Variants in MYO3A observed in about 807,000 individuals in gnomAD.
MYO3A encodes the protein myosin IIIA, also known as myosin-IIIa.
A neutral mutation model predicts 192.7 loss-of-function variants in MYO3A; 180 were observed. The observed-to-expected ratio is 0.93, with a 90% CI of 0.83 to 1.06. The LOEUF (loss-of-function observed/expected upper bound fraction) is 1.06, where lower values mean the gene tolerates loss of function less well. Ranked by LOEUF, MYO3A falls within the 50% of genes least tolerant of loss-of-function variation. The pLI, the probability that MYO3A is intolerant of heterozygous loss-of-function variation, is 0.00. For synonymous variants in MYO3A, 628 were observed against 645.3 expected (o/e 0.97, Z 0.41); for missense variants, 1,896 against 1,905.0 (o/e 1.00, Z 0.09).
chr10:25,992,023 T>G (rs1840065602), intron 4 of MYO3A, among the ~76,000 whole-genome samples: 1 of 152,158 alleles, frequency 6.6e-6, no homozygotes, highest in Non-Finnish European at 1.5e-5. Context: ...ATATGAACTT[T>G]AAAATAGTTT....
In MYO3A at chr10:26,208,778, C is replaced by G. The variant is rs117834528; in HGVS notation, c.4731-3065C>G. ...CTTTTAATTCCCTATTCAGAACAGA[C>G]CAGAATAGAGGCATATTCCATCTGC... On this transcript the variant is annotated intron_variant, in intron 34 of 34. Transcript: ENST00000642920. Among the ~76,000 whole-genome samples, 1,189 of 152,216 alleles carry G rather than the reference C, an allele frequency of 7.8e-3. 10 individuals are homozygous for G. The highest frequency in any genetic ancestry group is 0.012 in the Non-Finnish European group (820 of 68,012).
intron 6 of MYO3A, among the ~76,000 whole-genome samples, chr10:26,008,518 A>AACACAT (rs1841392081): frequency 7.1e-6 from 1 of 140,490 alleles, no homozygotes. Flanking sequence ...ATCTACAATG[A>AACACAT]ACAAATTTAC....
At chr10:26,124,052 G>A (rs139390196) in intron 18 of MYO3A, among the ~76,000 whole-genome samples, 1 of 152,032 alleles carries the variant, frequency 6.6e-6, no homozygotes, top group Non-Finnish European at 1.5e-5. Context: ...AGCCAGGCAG[G>A]TTGTCATGCG....
chr10:26,091,633 G>A (rs929941722), intron 15 of MYO3A, among the ~76,000 whole-genome samples: 1 of 152,188 alleles, frequency 6.6e-6, no homozygotes, highest in Non-Finnish European at 1.5e-5. Context: ...ATGTATTTAT[G>A]GAGCAATTAC....
At chr10:26,064,458 A>G (rs1402265567) in intron 10 of MYO3A, among the ~76,000 whole-genome samples, 3 of 152,218 alleles carry the variant, frequency 2.0e-5, no homozygotes, top group Non-Finnish European at 4.4e-5. Context: ...CACAAATCAT[A>G]TGGGCCTTGT....
rs538101060 is a variant in MYO3A, at chr10:25,943,031, A to G, written c.-18+7201A>G. On this transcript the variant is annotated intron_variant, in intron 2 of 34. Coordinates refer to ENST00000642920, the MANE Select transcript of MYO3A (RefSeq NM_017433.5). The stretch of plus-strand genomic sequence containing the variant: ...AGAAATCATTGCCAAATCCATTTTC[A>G]TGAAGCTTTTCCCTTATGTTTTCTT... Among the ~76,000 whole-genome samples, 28 of 151,896 alleles carry G rather than the reference A, an allele frequency of 1.8e-4. No homozygotes were observed. In the South Asian group the frequency reaches 5.4e-3, roughly 29 times the overall value.
intron 17 of MYO3A, among the ~76,000 whole-genome samples, chr10:26,103,376 G>T (rs373181497): frequency 6.6e-6 from 1 of 152,108 alleles, no homozygotes; most frequent in East Asian, 1.9e-4. Context: ...CTCACACTCC[G>T]TGGGCTGCAC....
At chr10:26,156,883 A>G (rs1167448763) in intron 25 of MYO3A, among the ~76,000 whole-genome samples, 14 of 152,348 alleles carry the variant, frequency 9.2e-5, no homozygotes, top group Non-Finnish European at 1.6e-4. Context: ...TCTGTTGTAA[A>G]GTATTCCCTT....
chr10:25,938,823 A>C (rs1361228484), intron 2 of MYO3A, among the ~76,000 whole-genome samples: 4 of 152,184 alleles, frequency 2.6e-5, no homozygotes, highest in African/African-American at 9.7e-5. Context: ...TTGGAAAGTT[A>C]ATGATTAAAT....
chr10:26,091,483 A>C (rs1281301803), intron 15 of MYO3A, among the ~76,000 whole-genome samples: 1 of 152,206 alleles, frequency 6.6e-6, no homozygotes, highest in African/African-American at 2.4e-5. Flanking sequence ...AGCTATTTCC[A>C]TTGCAGTTTC....
At chr10:26,054,897 G>T (rs1844223883) in intron 10 of MYO3A, among the ~76,000 whole-genome samples, 1 of 152,230 alleles carries the variant, frequency 6.6e-6, no homozygotes, top group South Asian at 2.1e-4. Context: ...AACTGTGAGA[G>T]AATAAATACT....
rs1159985875 is a variant in MYO3A at position 25,952,205 on chromosome 10, A to T, written c.95A>T (p.Tyr32Phe). 1.2e-6 allele frequency: 2 copies of T among 1,612,740 alleles called. No homozygotes were observed. Among genetic ancestry groups the T allele is most frequent in the Non-Finnish European group, 8.5e-7 (1 of 1,179,204 alleles). ...ACTGAGACAATTGGCAAAGGAACTT[A>T]TGGGAAAGTTTTTAAAGTATTGAAT... Reference protein sequence around the residue: ...EITETIGKGTYGKVFKVLNKK... With the variant: ...EITETIGKGTFGKVFKVLNKK... The change falls in exon 3 of 35, where the codon TAT (tyrosine) becomes TTT (phenylalanine). Residue 32 changes from tyrosine (Y) to phenylalanine (F), a missense_variant. Physicochemically the swap from Tyr to Phe is conservative, Grantham distance 22. Transcript: ENST00000642920.
At chr10:26,007,569 G>T (rs1841313131) in intron 6 of MYO3A, among the ~76,000 whole-genome samples, 1 of 152,118 alleles carries the variant, frequency 6.6e-6, no homozygotes, top group African/African-American at 2.4e-5. Flanking sequence ...AAAATCACAA[G>T]CATTCTTATA....
intron 10 of MYO3A, among the ~76,000 whole-genome samples, chr10:26,046,820 C>T (rs1316888793): frequency 6.6e-6 from 1 of 152,122 alleles, no homozygotes; most frequent in Non-Finnish European, 1.5e-5. Context: ...CTGAAGTTCA[C>T]GTGGAATCAT....
At chr10:26,052,158 G>A (rs1472677595) in intron 10 of MYO3A, among the ~76,000 whole-genome samples, 1 of 152,096 alleles carries the variant, frequency 6.6e-6, no homozygotes, top group African/African-American at 2.4e-5. Flanking sequence ...AATAAATTAA[G>A]GGTGTGGGTA....
chr10:26,175,702 T>C (rs1477560841), intron 30 of MYO3A, among the ~76,000 whole-genome samples: 4 of 152,206 alleles, frequency 2.6e-5, no homozygotes, highest in Admixed American at 6.5e-5. Flanking sequence ...AATAGTGAGC[T>C]TAACGAACAT....
At chr10:26,079,261 T>A in intron 14 of MYO3A, among the ~76,000 whole-genome samples, 1 of 152,296 alleles carries the variant, frequency 6.6e-6, no homozygotes, top group East Asian at 1.9e-4. Flanking sequence ...TACCATTATA[T>A]AATGTCCCTC....
intron 18 of MYO3A, among the ~76,000 whole-genome samples, chr10:26,121,457 A>G (rs907966320): frequency 3.3e-5 from 5 of 152,170 alleles, no homozygotes; most frequent in African/African-American, 4.8e-5. Context: ...ATAATAACAA[A>G]TGGAGAATCA....
chr10:26,081,960 G>C (rs987969221), intron 14 of MYO3A, among the ~76,000 whole-genome samples: 1 of 152,180 alleles, frequency 6.6e-6, no homozygotes, highest in Non-Finnish European at 1.5e-5. Context: ...TTTCTTTAGA[G>C]GATCTATGGG....
Sources: gnomAD v4.1 joint callset for allele counts (sites outside exome capture counted in the v4.1 genomes callset) on GRCh38, gnomAD v4.1.1 for gene constraint, MANE v1.5 for transcripts, NCBI Gene and HGNC (gene_info 2026-07-23, HGNC 2026-07-21) for gene names.